KCTD8: variants seen among roughly 807,000 people sequenced by gnomAD.
KCTD8 encodes the protein potassium channel tetramerization domain containing 8.
KCTD8 carries 27 observed loss-of-function variants against 31.5 expected under a neutral mutation model. That is an observed-to-expected ratio of 0.86 (90% CI 0.63 to 1.18). KCTD8 has a LOEUF of 1.18. Among genes scored for constraint, KCTD8 ranks in the 50% most tolerant of loss-of-function variants. The pLI is 0.00. For synonymous variants in KCTD8, 290 were observed against 280.0 expected (o/e 1.04, Z -0.36); for missense variants, 658 against 647.7 (o/e 1.02, Z -0.17).
chr4:44,198,922 T>C (rs1379070110), intron 1 of KCTD8, among the ~76,000 whole-genome samples: 1 of 151,952 alleles, frequency 6.6e-6, no homozygotes, highest in Admixed American at 6.6e-5. Context: ...ATCTCACATG[T>C]AATGACGACT....
chr4:44,216,251 G>A (rs1714648279), intron 1 of KCTD8, among the ~76,000 whole-genome samples: 1 of 151,904 alleles, frequency 6.6e-6, no homozygotes, highest in Non-Finnish European at 1.5e-5. Flanking sequence ...GATATGGGTG[G>A]GTATGTTCAA....
At chr4:44,445,443 A>G (rs1721915724) in intron 1 of KCTD8, among the ~76,000 whole-genome samples, 1 of 152,184 alleles carries the variant, frequency 6.6e-6, no homozygotes, top group African/African-American at 2.4e-5. Flanking sequence ...GTACTCTGAA[A>G]GTAGTTATTC....
chr4:44,222,535 C>T (rs1714837477), intron 1 of KCTD8, among the ~76,000 whole-genome samples: 2 of 152,174 alleles, frequency 1.3e-5, no homozygotes, highest in South Asian at 4.1e-4. Context: ...TGCTGTCATA[C>T]TGCAAAATGT....
At chr4:44,428,084 C>G (rs2109475368) in intron 1 of KCTD8, among the ~76,000 whole-genome samples, 1 of 151,448 alleles carries the variant, frequency 6.6e-6, no homozygotes, top group South Asian at 2.1e-4. Context: ...CAGACCAGAG[C>G]ACATGAAACA....
At chr4:44,414,011 T>C (rs1008531923) in intron 1 of KCTD8, among the ~76,000 whole-genome samples, 2 of 152,058 alleles carry the variant, frequency 1.3e-5, no homozygotes, top group African/African-American at 2.4e-5. Context: ...AAACAGATTG[T>C]CCCCTTGAGC....
intron 1 of KCTD8, among the ~76,000 whole-genome samples, chr4:44,355,522 G>A (rs1179372290): frequency 1.3e-5 from 2 of 152,078 alleles, no homozygotes; most frequent in East Asian, 3.9e-4. Flanking sequence ...GTAGTTTTAT[G>A]CATAATTTTA....
At chr4:44,349,322 A>C (rs1034383205) in intron 1 of KCTD8, among the ~76,000 whole-genome samples, 1 of 152,136 alleles carries the variant, frequency 6.6e-6, no homozygotes, top group African/African-American at 2.4e-5. Flanking sequence ...TAAGGAAGGG[A>C]GTATGGGTGA....
At chr4:44,439,127 T>C (rs1039591571) in intron 1 of KCTD8, among the ~76,000 whole-genome samples, 3 of 152,144 alleles carry the variant, frequency 2.0e-5, no homozygotes, top group Non-Finnish European at 4.4e-5. Context: ...ACTCTCCCTA[T>C]TTTACTTATA....
intron 1 of KCTD8, among the ~76,000 whole-genome samples, chr4:44,185,280 T>C (rs1713550686): frequency 6.6e-6 from 1 of 152,246 alleles, no homozygotes. Context: ...TATCTATTCA[T>C]CTCTGTTCCA....
At chr4:44,387,815 T>C (rs1445390630) in intron 1 of KCTD8, among the ~76,000 whole-genome samples, 1 of 151,910 alleles carries the variant, frequency 6.6e-6, no homozygotes. Context: ...AGGCAAAGAT[T>C]TCATGATGAA....
intron 1 of KCTD8, among the ~76,000 whole-genome samples, chr4:44,243,208 C>T (rs150608137): frequency 3.9e-5 from 6 of 152,094 alleles, no homozygotes; most frequent in South Asian, 2.1e-4. Context: ...TGGGTTCCAG[C>T]GAAGTTAAAA....
chr4:44,175,318 A>G, intron 1 of KCTD8, 68 bp from the exon 2 acceptor site: 1 of 906,314 alleles, frequency 1.1e-6, no homozygotes, highest in Non-Finnish European at 1.6e-6. Context: ...GTAAAATTAA[A>G]TGAACTCTAT....
intron 1 of KCTD8, among the ~76,000 whole-genome samples, chr4:44,428,183 AT>A (rs1721392657): frequency 6.6e-6 from 1 of 151,716 alleles, no homozygotes; most frequent in African/African-American, 2.4e-5. Context: ...TGATGAAAAC[AT>A]TTTTTAAATG....
intron 1 of KCTD8, among the ~76,000 whole-genome samples, chr4:44,198,844 T>C (rs1172145319): frequency 6.6e-6 from 1 of 152,018 alleles, no homozygotes; most frequent in Admixed American, 6.6e-5. Flanking sequence ...AATGCCCCAT[T>C]TAAAAGGCAT....
intron 1 of KCTD8, among the ~76,000 whole-genome samples, chr4:44,193,845 C>G (rs900392213): frequency 2.0e-5 from 3 of 151,660 alleles, no homozygotes; most frequent in African/African-American, 7.3e-5. Context: ...GAATTCAGAC[C>G]AATAAAAAGG....
chr4:44,234,888 C>T (rs1418685883), intron 1 of KCTD8, among the ~76,000 whole-genome samples: 1 of 152,088 alleles, frequency 6.6e-6, no homozygotes, highest in Admixed American at 6.6e-5. Context: ...AAAATGCAGG[C>T]CCAGGCTCAT....
intron 1 of KCTD8, among the ~76,000 whole-genome samples, chr4:44,252,309 G>A (rs1385649796): frequency 4.0e-5 from 6 of 151,694 alleles, no homozygotes. Context: ...CACAAATTGT[G>A]CTGCTATAAA....
intron 1 of KCTD8, among the ~76,000 whole-genome samples, chr4:44,410,058 G>A (rs754155874): frequency 1.1e-4 from 17 of 152,074 alleles, no homozygotes; most frequent in African/African-American, 2.4e-4. Context: ...GCTATTTTCC[G>A]CAAAAGTATT....
intron 1 of KCTD8, among the ~76,000 whole-genome samples, chr4:44,315,977 G>C (rs1038863132): frequency 6.6e-6 from 1 of 152,064 alleles, no homozygotes; most frequent in African/African-American, 2.4e-5. Context: ...TGAAGACTTA[G>C]GTTTTCTACC....
Sources: gnomAD v4.1 joint callset for allele counts (sites outside exome capture counted in the v4.1 genomes callset) on GRCh38, gnomAD v4.1.1 for gene constraint, MANE v1.5 for transcripts, NCBI Gene and HGNC (gene_info 2026-07-23, HGNC 2026-07-21) for gene names.